Variants in EPHA6 observed in about 807,000 individuals in gnomAD.
The protein encoded by EPHA6 is ephrin type-A receptor 6.
In EPHA6, 50 loss-of-function variants were observed where a neutral mutation model predicts 112.0. That is an observed-to-expected ratio of 0.45 (90% CI 0.36 to 0.56). The LOEUF (loss-of-function observed/expected upper bound fraction) is 0.56, where lower values mean the gene tolerates loss of function less well. Ranked by LOEUF, EPHA6 falls within the 20% of genes least tolerant of loss-of-function variation. The pLI is 0.00. For missense variants in EPHA6, 1,280 were observed against 1,417.4 expected (o/e 0.90, Z 1.56); for synonymous variants, 529 against 490.7 (o/e 1.08, Z -1.03).
At chr3:97,248,888 G>A (rs2079055923) in intron 5 of EPHA6, among the ~76,000 whole-genome samples, 1 of 152,042 alleles carries the variant, frequency 6.6e-6, no homozygotes. Flanking sequence ...TTTACATGTT[G>A]CTGGAGTAAG....
intron 2 of EPHA6, among the ~76,000 whole-genome samples, chr3:96,940,673 G>T (rs1160020563): frequency 6.6e-6 from 1 of 152,140 alleles, no homozygotes; most frequent in African/African-American, 2.4e-5. Flanking sequence ...TTCGTTAGTT[G>T]ATGCAGTTTC....
chr3:97,120,166 T>C (rs1171573325), intron 3 of EPHA6, among the ~76,000 whole-genome samples: 3 of 152,002 alleles, frequency 2.0e-5, no homozygotes, highest in Admixed American at 6.6e-5. Flanking sequence ...TTTCTACTGA[T>C]TAATCAAATA....
chr3:97,228,841 A>C (rs2078438565), intron 4 of EPHA6, among the ~76,000 whole-genome samples: 1 of 152,174 alleles, frequency 6.6e-6, no homozygotes, highest in African/African-American at 2.4e-5. Flanking sequence ...TCCCACCAGC[A>C]GTGTAAGTGT....
chr3:96,880,425 G>C (rs1393396069), intron 2 of EPHA6, among the ~76,000 whole-genome samples: 1 of 151,966 alleles, frequency 6.6e-6, no homozygotes, highest in Non-Finnish European at 1.5e-5. Context: ...AGATATACCT[G>C]TTCATGTATT....
At chr3:97,437,800 C>A (rs879391250) in intron 6 of EPHA6, among the ~76,000 whole-genome samples, 2 of 151,940 alleles carry the variant, frequency 1.3e-5, no homozygotes, top group Non-Finnish European at 2.9e-5. Context: ...CCACACCCAG[C>A]CTCAAATTTT....
intron 5 of EPHA6, among the ~76,000 whole-genome samples, chr3:97,278,337 T>G (rs2080168409): frequency 6.6e-6 from 1 of 152,226 alleles, no homozygotes; most frequent in African/African-American, 2.4e-5. Flanking sequence ...CTTAAAGATG[T>G]TTCCCAAATG....
chr3:97,168,930 C>G (rs769193499), intron 3 of EPHA6, among the ~76,000 whole-genome samples: 1 of 152,054 alleles, frequency 6.6e-6, no homozygotes, highest in Non-Finnish European at 1.5e-5. Flanking sequence ...TCAGAAAAGA[C>G]AGGAAGATGA....
chr3:97,365,419 T>C (rs1256521361), intron 5 of EPHA6, among the ~76,000 whole-genome samples: 1 of 150,758 alleles, frequency 6.6e-6, no homozygotes, highest in African/African-American at 2.4e-5. Flanking sequence ...GAGATGGGAG[T>C]CTCACTCTGT....
At chr3:96,900,101 C>A (rs566295996) in intron 2 of EPHA6, among the ~76,000 whole-genome samples, 30 of 152,236 alleles carry the variant, frequency 2.0e-4, no homozygotes, top group Non-Finnish European at 4.0e-4. Context: ...TACCCTGGGA[C>A]AATAGGTATA....
intron 3 of EPHA6, among the ~76,000 whole-genome samples, chr3:97,129,510 AAAAC>A (rs1183493236): frequency 2.0e-5 from 3 of 150,232 alleles, no homozygotes; most frequent in Admixed American, 6.6e-5. Context: ...AACAAAAACA[AAAAC>A]AAACAAAAAA....
intron 3 of EPHA6, among the ~76,000 whole-genome samples, chr3:97,116,878 A>G (rs1370096247): frequency 2.0e-5 from 3 of 151,554 alleles, no homozygotes; most frequent in African/African-American, 7.3e-5. Flanking sequence ...ATCATATGGT[A>G]GTTTTATTTT....
chr3:97,460,078 G>A (rs1035348332), intron 7 of EPHA6, among the ~76,000 whole-genome samples: 1 of 152,214 alleles, frequency 6.6e-6, no homozygotes, highest in Non-Finnish European at 1.5e-5. Context: ...GCAAAGGAAA[G>A]TTGGACACCA....
chr3:97,166,987 G>A (rs2108414423), intron 3 of EPHA6, among the ~76,000 whole-genome samples: 1 of 152,170 alleles, frequency 6.6e-6, no homozygotes, highest in South Asian at 2.1e-4. Context: ...ACCAAGGCAT[G>A]GACATATAAT....
At chr3:97,369,853 G>A (rs752931864) in intron 5 of EPHA6, among the ~76,000 whole-genome samples, 22 of 151,770 alleles carry the variant, frequency 1.4e-4, no homozygotes, top group Admixed American at 3.9e-4. Context: ...TTTATTATCA[G>A]CCTGCTAATA....
intron 3 of EPHA6, among the ~76,000 whole-genome samples, chr3:97,020,967 A>G (rs1454516099): frequency 6.6e-6 from 1 of 152,132 alleles, no homozygotes. Context: ...TTGTTGATAA[A>G]GTGTTTTCTT....
intron 13 of EPHA6, among the ~76,000 whole-genome samples, chr3:97,633,648 G>A (rs2093922428): frequency 2.6e-5 from 4 of 151,976 alleles, no homozygotes; most frequent in Non-Finnish European, 2.9e-5. Context: ...TGTTTTATAC[G>A]AGACAATAGG....
chr3:96,836,028 G>A (rs2034389273), intron 1 of EPHA6, among the ~76,000 whole-genome samples: 1 of 152,060 alleles, frequency 6.6e-6, no homozygotes, highest in Admixed American at 6.6e-5. Context: ...TTTGGTTTAT[G>A]TAGGAAGAAA....
intron 3 of EPHA6, among the ~76,000 whole-genome samples, chr3:97,153,892 G>A (rs1167248552): frequency 3.3e-5 from 5 of 152,078 alleles, no homozygotes; most frequent in African/African-American, 1.2e-4. Flanking sequence ...TCGGCTGAGT[G>A]CAGTGGGTCG....
chr3:97,204,801 T>C (rs1457424854), intron 3 of EPHA6, among the ~76,000 whole-genome samples: 2 of 152,142 alleles, frequency 1.3e-5, no homozygotes, highest in Non-Finnish European at 2.9e-5. Context: ...CAGATTTGTT[T>C]ACACAATCCA....
Sources: allele counts gnomAD v4.1 joint callset (sites outside exome capture counted in the v4.1 genomes callset), GRCh38; gene constraint gnomAD v4.1.1; transcripts MANE v1.5; gene names NCBI Gene and HGNC (gene_info 2026-07-23, HGNC 2026-07-21).